The following CELA3A variants were observed in gnomAD, a reference collection of about 807,000 sequenced individuals.
The protein encoded by CELA3A is chymotrypsin-like elastase family member 3A.
CELA3A carries 35 observed loss-of-function variants against 38.6 expected under a neutral mutation model. The observed-to-expected ratio is 0.91, with a 90% CI of 0.69 to 1.20. The LOEUF (loss-of-function observed/expected upper bound fraction) is 1.20, where lower values mean the gene tolerates loss of function less well. Ranked by LOEUF, CELA3A falls within the 50% of genes most tolerant of loss-of-function variation. The pLI is 0.00. For synonymous variants in CELA3A, 143 were observed against 136.7 expected (o/e 1.05, Z -0.32); for missense variants, 343 against 354.2 (o/e 0.97, Z 0.25).
intron 7 of CELA3A, among the ~76,000 whole-genome samples, chr1:22,012,230 G>T (rs1440800939): frequency 7.9e-6 from 1 of 126,166 alleles, no homozygotes; most frequent in Non-Finnish European, 1.6e-5. Context: ...CTAAATTTGT[G>T]CTGGGCATTG....
At chr1:22,008,938 A>G (rs1407872587) in intron 6 of CELA3A, among the ~76,000 whole-genome samples, 1 of 151,724 alleles carries the variant, frequency 6.6e-6, no homozygotes, top group Non-Finnish European at 1.5e-5. Flanking sequence ...AGATACTACT[A>G]TTCCCTATCA....
rs369577642 is a variant in CELA3A at position 22,006,873 on chromosome 1, C to A, written c.363-5C>A. The A allele has an allele frequency of 2.0e-4, 328 of 1,611,618 alleles. 7 individuals are homozygous for A. Among genetic ancestry groups the A allele is most frequent in the Non-Finnish European group, 2.6e-4 (312 of 1,179,038 alleles). On this transcript the variant is annotated splice_polypyrimidine_tract_variant and splice_region_variant and intron_variant, in intron 4 of 7. Coordinates refer to ENST00000290122, the MANE Select transcript of CELA3A (RefSeq NM_005747.5). ...CAGGCCCCGTGACTGTTCCCTCCTC[C>A]CCAGCAATGACATCGCCCTCATCAA...
Position 22,005,507 on chromosome 1 carries a change from G to A in CELA3A, c.190G>A (p.Ala64Thr), listed in dbSNP as rs776358245. Residue 64 changes from alanine to threonine, a missense_variant, in exon 3 of 8, where the codon GCC becomes ACC. Coordinates refer to ENST00000290122, the MANE Select transcript of CELA3A (RefSeq NM_005747.5). ...FYHTCGGSLI[A>T]PDWVVTAGHC... is the part of the protein sequence containing the mutation. The stretch of plus-strand genomic sequence containing the variant: ...CCACACGTGTGGCGGTAGCCTCATC[G>A]CCCCCGATTGGGTTGTGACTGCCGG... 67 of 1,612,892 alleles carry A rather than the reference G, an allele frequency of 4.2e-5. No individual in the cohort carries two copies. The highest frequency in any genetic ancestry group is 5.4e-5 in the Non-Finnish European group (64 of 1,179,600).
rs771483354 is a variant in CELA3A, at chr1:22,009,719, AC to A, written c.661del (p.Leu221SerfsTer15). 7.4e-6 allele frequency: 12 copies of A among 1,611,546 alleles called. No individual in the cohort carries two copies. In the Admixed American group the frequency reaches 1.3e-4, roughly 18 times the overall value. On this transcript the variant is annotated frameshift_variant, in exon 7 of 8. Coordinates refer to ENST00000290122, the MANE Select transcript of CELA3A (RefSeq NM_005747.5). LOFTEE classifies it high-confidence loss of function. Reference sequence around the variant, plus strand: ...GACGGTTCCAGGGTGACTCTGGAGGACCCCTCAACTGCCCCACAGAGGATGG... The same window carrying A: ...GACGGTTCCAGGGTGACTCTGGAGGACCCTCAACTGCCCCACAGAGGATGG... ...RSGCNGDSGG[P>X]LNCPTEDGGW...
At chr1:22,007,929 A>T (rs1019020014) in intron 6 of CELA3A, among the ~76,000 whole-genome samples, 13 of 150,746 alleles carry the variant, frequency 8.6e-5, no homozygotes, top group Admixed American at 1.3e-4. Context: ...AGGTGGGAGG[A>T]TTGCTTGAGG....
chr1:22,008,684 A>C (rs1434521116), intron 6 of CELA3A, among the ~76,000 whole-genome samples: 1 of 149,896 alleles, frequency 6.7e-6, no homozygotes, highest in African/African-American at 2.5e-5. Context: ...GTGTGAACCC[A>C]GGAGTTGGAG....
In CELA3A at chr1:22,011,621, G is replaced by T. The variant is rs1311227383; in HGVS notation, c.796-829G>T. 1.6e-5 allele frequency among the ~76,000 whole-genome samples: 2 copies of T among 126,132 alleles called. 1 individual carries two copies. Among genetic ancestry groups the T allele is most frequent in the African/African-American group, 6.5e-5 (2 of 30,696 alleles). The allele number at this position is 126,132 out of a possible 152,430, so 82.7% of individuals were successfully genotyped here. A position where few individuals can be genotyped will look rare whatever the true frequency, so the allele number is the denominator to read the frequency against. On this transcript the variant is annotated intron_variant, in intron 7 of 7. Coordinates refer to ENST00000290122, the MANE Select transcript of CELA3A (RefSeq NM_005747.5). ...AAAAATATAAAAAAATTGGCCAGGC[G>T]TGGTAGTGCGTCGCTGTAATCTCAG...
chr1:22,008,485 C>T (rs562686819), intron 6 of CELA3A, among the ~76,000 whole-genome samples: 8 of 150,920 alleles, frequency 5.3e-5, no homozygotes, highest in South Asian at 4.2e-4. Flanking sequence ...AAAGGCTGGG[C>T]GCGGTGGCTC....
chr1:22,011,237 C>CA (rs1644982253), intron 7 of CELA3A: 1 of 149,648 alleles, frequency 6.7e-6, no homozygotes, highest in African/African-American at 2.5e-5. Context: ...AAAAATTAGC[C>CA]GGGCGTATTG....
At chr1:22,010,206 G>A (rs576221992) in intron 7 of CELA3A, 2 of 380,084 alleles carry the variant, frequency 5.3e-6, no homozygotes, top group African/African-American at 2.2e-5. Context: ...GAATGAGAAC[G>A]ATGCAGTCTG....
intron 7 of CELA3A, among the ~76,000 whole-genome samples, chr1:22,011,735 C>G (rs1468950075): frequency 2.5e-5 from 3 of 119,846 alleles, no homozygotes; most frequent in Admixed American, 9.5e-5. Flanking sequence ...CCTCCAGCCT[C>G]GGTGACAGAG....
chr1:22,003,601 A>G (rs1644930938), intron 2 of CELA3A, among the ~76,000 whole-genome samples: 1 of 150,732 alleles, frequency 6.6e-6, no homozygotes, highest in Admixed American at 6.6e-5. Flanking sequence ...GAATCCCTTG[A>G]ACCTGGGAGT....
At chr1:22,009,997 A>T (rs1644974193) in intron 7 of CELA3A, 140 bp downstream of exon 7, 1 of 1,327,042 alleles carries the variant, frequency 7.5e-7, no homozygotes, top group Non-Finnish European at 1.0e-6. Flanking sequence ...GACATTCCAG[A>T]AAGGCTTGGG....
chr1:22,005,697 A>G lies in CELA3A; in HGVS notation c.263A>G (p.Tyr88Cys). The change falls in exon 4 of 8, where the codon TAC becomes TGC. Residue 88 changes from tyrosine (Y) to cysteine (C), a missense_variant. Tyr to Cys is a radical substitution (Grantham distance 194, BLOSUM62 -2). Coordinates refer to ENST00000290122, the MANE Select transcript of CELA3A (RefSeq NM_005747.5). Reference sequence around the variant, plus strand: ...ACCTACCAGGTGGTGTTGGGTGAGTACAACCTTGCTGTGAAGGAGGGCCCC... The same window carrying G: ...ACCTACCAGGTGGTGTTGGGTGAGTGCAACCTTGCTGTGAAGGAGGGCCCC... ...DLTYQVVLGEYNLAVKEGPEQ... is the reference protein window; with the variant it reads ...DLTYQVVLGECNLAVKEGPEQ... 1 of 1,612,384 alleles carries G rather than the reference A, an allele frequency of 6.2e-7. No homozygotes were observed. Among genetic ancestry groups the G allele is most frequent in the South Asian group, 1.1e-5 (1 of 91,026 alleles).
chr1:22,007,932 G>A (rs1334734076), intron 6 of CELA3A, among the ~76,000 whole-genome samples: 4 of 150,854 alleles, frequency 2.7e-5, no homozygotes, highest in Non-Finnish European at 5.9e-5. Flanking sequence ...TGGGAGGATT[G>A]CTTGAGGCTA....
Position 22,009,721 on chromosome 1 carries a change from C to G in CELA3A, c.659C>G (p.Pro220Arg). The G allele has an allele frequency of 6.2e-7, 1 of 1,612,076 alleles. No homozygotes were observed. Among genetic ancestry groups the G allele is most frequent in the Non-Finnish European group, 8.5e-7 (1 of 1,179,408 alleles). The part of the protein sequence containing the change: ...RSGCNGDSGG[P>R]LNCPTEDGGW... Reference sequence around the variant, plus strand: ...CGGTTCCAGGGTGACTCTGGAGGACCCCTCAACTGCCCCACAGAGGATGGT... The same window carrying G: ...CGGTTCCAGGGTGACTCTGGAGGACGCCTCAACTGCCCCACAGAGGATGGT... Residue 220 changes from proline to arginine, a missense_variant, in exon 7 of 8, where the codon CCC becomes CGC. Physicochemically the swap from Pro to Arg is moderately radical, Grantham distance 103 (BLOSUM62 -2). Coordinates refer to ENST00000290122, the MANE Select transcript of CELA3A (RefSeq NM_005747.5).
chr1:22,002,075 T>C, intron 1 of CELA3A, among the ~76,000 whole-genome samples: 1 of 151,230 alleles, frequency 6.6e-6, no homozygotes, highest in Non-Finnish European at 1.5e-5. Flanking sequence ...CCTGGCTCCA[T>C]ATTCTATGCT....
chr1:22,008,711 A>T (rs2152819756), intron 6 of CELA3A, among the ~76,000 whole-genome samples: 1 of 150,496 alleles, frequency 6.6e-6, no homozygotes, highest in Non-Finnish European at 1.5e-5. Flanking sequence ...GTGAGCCGAG[A>T]TCGCGCCACT....
Position 22,009,685 on chromosome 1 carries a change from C to T in CELA3A, c.643-20C>T, listed in dbSNP as rs1446613467. 1.2e-6 allele frequency: 2 copies of T among 1,606,208 alleles called. No individual in the cohort carries two copies. On this transcript the variant is annotated intron_variant, in intron 6 of 7. Coordinates refer to ENST00000290122, the MANE Select transcript of CELA3A (RefSeq NM_005747.5). ...ACCTCAGACATGGCTCAGCCACCCA[C>T]TCCTCTCTGACGGTTCCAGGGTGAC...
Sources: gnomAD v4.1 joint callset for allele counts (sites outside exome capture counted in the v4.1 genomes callset) on GRCh38, gnomAD v4.1.1 for gene constraint, MANE v1.5 for transcripts, NCBI Gene and HGNC (gene_info 2026-07-23, HGNC 2026-07-21) for gene names.